Variants in SNX1 observed in about 807,000 individuals in gnomAD.
SNX1 encodes the protein sorting nexin 1, also known as sorting nexin-1.
SNX1 carries 36 observed loss-of-function variants against 71.8 expected under a neutral mutation model. That is an observed-to-expected ratio of 0.50 (90% confidence interval 0.38 to 0.66). The LOEUF (loss-of-function observed/expected upper bound fraction) is 0.66, where lower values mean the gene tolerates loss of function less well. Ranked by LOEUF, SNX1 falls within the 30% of genes least tolerant of loss-of-function variation. SNX1 has a pLI of 0.00. For synonymous variants in SNX1, 254 were observed against 240.7 expected (o/e 1.06, Z -0.51); for missense variants, 612 against 646.7 (o/e 0.95, Z 0.58).
chr15:64,098,036 A>G (rs367954168), intron 1 of SNX1, among the ~76,000 whole-genome samples: 14 of 152,310 alleles, frequency 9.2e-5, no homozygotes, highest in Middle Eastern at 3.4e-3. Context: ...ACAGGAAACA[A>G]TTTTTGTTTG....
chr15:64,128,973 G>A (rs768444131), intron 8 of SNX1, among the ~76,000 whole-genome samples: 19 of 152,186 alleles, frequency 1.2e-4, no homozygotes, highest in African/African-American at 1.9e-4. Context: ...CAGGCCAGGC[G>A]CGGTGGCTCT....
At chr15:64,098,170 C>A (rs2140126618) in intron 1 of SNX1, among the ~76,000 whole-genome samples, 1 of 152,280 alleles carries the variant, frequency 6.6e-6, no homozygotes, top group African/African-American at 2.4e-5. Flanking sequence ...ATAATTCTTG[C>A]CGCTAATTTA....
intron 8 of SNX1, 43 bp downstream of exon 8, chr15:64,127,849 C>A: frequency 6.7e-7 from 1 of 1,503,480 alleles, no homozygotes; most frequent in Non-Finnish European, 9.3e-7. Context: ...TTATATCTGC[C>A]CCTAGTGAAA....
intron 5 of SNX1, among the ~76,000 whole-genome samples, chr15:64,123,836 TCA>T (rs2081220301): frequency 6.6e-6 from 1 of 152,196 alleles, no homozygotes; most frequent in African/African-American, 2.4e-5. Context: ...GGAGCTAGAT[TCA>T]CAGATTGCCC....
chr15:64,134,048 T>A lies in SNX1; in HGVS notation c.1222-616T>A, dbSNP rs1428092141. ...CCTATGGTGGTTTTAGGTGTTGATT[T>A]AAAGATTTGTTAAGCTAACCTTGTG... On this transcript the variant is annotated intron_variant, in intron 11 of 14. Coordinates refer to ENST00000559844, the MANE Select transcript of SNX1 (RefSeq NM_003099.5). The surrounding 1 kb of genome is among the most constrained non-coding windows in gnomAD (Gnocchi z 4.1). 2.0e-5 allele frequency: 3 copies of A among 152,222 alleles called. No homozygotes were observed. Among genetic ancestry groups the A allele is most frequent in the Non-Finnish European group, 4.4e-5 (3 of 68,048 alleles). 9.4% of individuals were successfully genotyped at this position (152,222 alleles called of 1,614,324 possible). A position where few individuals can be genotyped will look rare whatever the true frequency, so the allele number is the denominator to read the frequency against.
At chr15:64,099,183 CTA>C (rs1404703208) in intron 1 of SNX1, among the ~76,000 whole-genome samples, 1 of 152,146 alleles carries the variant, frequency 6.6e-6, no homozygotes, top group Non-Finnish European at 1.5e-5. Context: ...AATCTAGGCT[CTA>C]TGGCTGGCTA....
At position 64,131,883 on chromosome 15, in the gene SNX1, C is replaced by T; in HGVS notation, c.1212C>T (p.Ala404=). 1.2e-6 allele frequency: 2 copies of T among 1,614,134 alleles called. No individual in the cohort carries two copies. Among genetic ancestry groups the T allele is most frequent in the Non-Finnish European group, 1.7e-6 (2 of 1,179,962 alleles). ...ELLSDYIRLL[A]IVRAAFDQRM... is the part of the protein sequence containing the mutation. ...TGAGTGACTACATTCGCCTCCTGGCCATAGTCCGCGTAAGCTTCTGTTTCC... is the reference window on the plus strand; with the variant it reads ...TGAGTGACTACATTCGCCTCCTGGCTATAGTCCGCGTAAGCTTCTGTTTCC... The change falls in exon 11 of 15, where the codon GCC becomes GCT. Residue 404 remains alanine (A), a synonymous_variant. Coordinates refer to ENST00000559844, the MANE Select transcript of SNX1 (RefSeq NM_003099.5).
At chr15:64,132,424 A>C (rs1268167431) in intron 11 of SNX1, 1 of 161,044 alleles carries the variant, frequency 6.2e-6, no homozygotes, top group African/African-American at 2.4e-5. Flanking sequence ...TTGTCACCAG[A>C]GCCTTCCTGT....
chr15:64,109,877 C>T (rs768562223), intron 1 of SNX1, among the ~76,000 whole-genome samples: 41 of 152,128 alleles, frequency 2.7e-4, no homozygotes, highest in African/African-American at 4.6e-4. Flanking sequence ...CTGTGGATGC[C>T]GCACTCTTAC....
chr15:64,138,082 C>T lies in SNX1; in HGVS notation c.*464C>T. 6.5e-7 allele frequency: 1 copy of T among 1,535,812 alleles called. No homozygotes were observed. The highest frequency in any genetic ancestry group is 2.4e-5 in the East Asian group (1 of 40,914). Reference sequence around the variant, plus strand: ...GGAATCAGGTCTGGAATACTCCTAACCAAGAAGTTGCCCAGGTATAGTAAG... The same window carrying T: ...GGAATCAGGTCTGGAATACTCCTAATCAAGAAGTTGCCCAGGTATAGTAAG... On this transcript the variant is annotated 3_prime_UTR_variant, in exon 15 of 15. Transcript: ENST00000559844.
intron 9 of SNX1, 94 bp from the exon 10 acceptor site, chr15:64,130,134 T>A (rs2081291710): frequency 1.4e-5 from 20 of 1,471,536 alleles, no homozygotes; most frequent in Non-Finnish European, 1.9e-5. Flanking sequence ...TTTATAAGAT[T>A]TTTCAGTCCC....
chr15:64,118,271 C>A (rs565469454), intron 3 of SNX1, 27 bp downstream of exon 3: 2 of 1,598,252 alleles, frequency 1.3e-6, no homozygotes, highest in African/African-American at 2.7e-5. Context: ...TTGGTCTTAT[C>A]GCTTTTAGAT....
intron 1 of SNX1, among the ~76,000 whole-genome samples, chr15:64,105,511 G>T (rs372845303): frequency 1.3e-5 from 2 of 152,220 alleles, no homozygotes; most frequent in South Asian, 2.1e-4. Context: ...AGGAAAAGCT[G>T]TTGCTCAACT....
intron 4 of SNX1, among the ~76,000 whole-genome samples, chr15:64,121,305 G>A (rs990534010): frequency 3.3e-5 from 5 of 152,296 alleles, no homozygotes; most frequent in Admixed American, 3.3e-4. Context: ...TCAAATCCTG[G>A]TGTCGGCAGG....
rs2081402267 is a variant in SNX1 at position 64,140,531 on chromosome 15, G to A, written c.*2913G>A. ...CTGGAATCAGCCATTTCTCCAGGGA[G>A]TCTTGGTTCCTTATAATGGAGAATG... is the stretch of plus-strand genomic sequence containing the variant. On this transcript the variant is annotated 3_prime_UTR_variant, in exon 15 of 15. Transcript: ENST00000559844. 1 of 152,168 alleles carries A rather than the reference G, an allele frequency of 6.6e-6. No homozygotes were observed. The highest frequency in any genetic ancestry group is 2.4e-5 in the African/African-American group (1 of 41,422). 9.4% of individuals were successfully genotyped at this position (152,168 alleles called of 1,614,324 possible). A position where few individuals can be genotyped will look rare whatever the true frequency, so the allele number is the denominator to read the frequency against.
chr15:64,118,712 A>G (rs1408498338), intron 3 of SNX1, 76 bp from the exon 4 acceptor site: 5 of 1,066,470 alleles, frequency 4.7e-6, no homozygotes, highest in African/African-American at 3.1e-5. Context: ...TTAGATTGGT[A>G]TAAGGTTATT....
Position 64,137,007 on chromosome 15 carries a change from A to G in SNX1, c.1518+75A>G, listed in dbSNP as rs2081366242. On this transcript the variant is annotated intron_variant, in intron 14 of 14. Coordinates refer to ENST00000559844, the MANE Select transcript of SNX1 (RefSeq NM_003099.5). ...CAGCTGCCTCCTCGGGGCTTCTGCA[A>G]CAAGATGTGCAGGCCCTGCTTCTGA... 3 of 1,199,998 alleles carry G rather than the reference A, an allele frequency of 2.5e-6. No individual in the cohort carries two copies. The East Asian group carries it at 7.0e-5, about 28-fold the overall frequency. The allele number at this position is 1,199,998 out of a possible 1,614,324, so 74.3% of individuals were successfully genotyped here.
At position 64,136,259 on chromosome 15, in the gene SNX1, C is replaced by T. The variant is rs2081358350; in HGVS notation, c.1366-71C>T. 4 of 1,216,168 alleles carry T rather than the reference C, an allele frequency of 3.3e-6. No homozygotes were observed. In the Admixed American group the frequency reaches 5.1e-5, roughly 15 times the overall value. 75.3% of individuals were successfully genotyped at this position (1,216,168 alleles called of 1,614,324 possible). On this transcript the variant is annotated intron_variant, in intron 12 of 14. Coordinates refer to ENST00000559844, the MANE Select transcript of SNX1 (RefSeq NM_003099.5). ...AATTGAGCCCTCATATGTAAAATCG[C>T]TGTCCAAATGTGAAGGCTTAATAAT...
In SNX1 at chr15:64,096,240, A is replaced by T. The variant is rs866069675; in HGVS notation, c.159+68A>T. 151 of 1,512,022 alleles carry T rather than the reference A, an allele frequency of 1.0e-4. 2 individuals are homozygous for T. The highest frequency in any genetic ancestry group is 6.6e-4 in the South Asian group (54 of 81,872). The allele number at this position is 1,512,022 out of a possible 1,614,324, so 93.7% of individuals were successfully genotyped here. A position where few individuals can be genotyped will look rare whatever the true frequency, so the allele number is the denominator to read the frequency against. ...GAAAGGGAAGAGAGGCTAAGCGAGA[A>T]TCGGGGAGGTTGGGCAGAGTGGGCC... On this transcript the variant is annotated intron_variant, in intron 1 of 14. Coordinates refer to ENST00000559844, the MANE Select transcript of SNX1 (RefSeq NM_003099.5).
Sources: gnomAD v4.1 joint callset for allele counts (sites outside exome capture counted in the v4.1 genomes callset) on GRCh38, gnomAD v4.1.1 for gene constraint, Gnocchi (gnomAD v3.1) non-coding constraint, MANE v1.5 for transcripts, NCBI Gene and HGNC (gene_info 2026-07-23, HGNC 2026-07-21) for gene names.